The following ANAPC16 variants were observed in gnomAD, a reference collection of about 807,000 sequenced individuals.
The protein encoded by ANAPC16 is anaphase promoting complex subunit 16, also known as anaphase-promoting complex subunit 16.
Under a neutral mutation model 13.1 loss-of-function variants are expected in ANAPC16, and 6 were observed. The observed-to-expected ratio is 0.46, with a 90% confidence interval of 0.25 to 0.90. The LOEUF (loss-of-function observed/expected upper bound fraction) is 0.90, where lower values mean the gene tolerates loss of function less well. ANAPC16 is among the 40% of genes least tolerant of loss of function. The pLI is 0.18. For missense variants in ANAPC16, 113 were observed against 131.1 expected, an observed-to-expected ratio of 0.86 and a Z score of 0.67; for synonymous variants, 55 against 51.3, an observed-to-expected ratio of 1.07 and a Z score of -0.31.
At chr10:72,220,306 C>T (rs915499935) in intron 1 of ANAPC16, 22 of 109,902 alleles carry the variant, frequency 2.0e-4, no homozygotes, top group African/African-American at 7.9e-4. Context: ...GCCTGGGCAA[C>T]AAGAGGGAAA....
Position 72,233,103 on chromosome 10 carries a change from C to G in ANAPC16, c.320C>G (p.Pro107Arg), listed in dbSNP as rs764137906. ...KPIEQLLGFT[P>R]SSG ...ATCGAGCAGCTGCTGGGATTCACCC[C>G]CTCTTCAGGTTGATACTGCCTGGAT... The change falls in exon 4 of 4, where the codon CCC becomes CGC. Residue 107 changes from proline (P) to arginine (R), a missense_variant. By Grantham distance (103) the Pro-to-Arg change is moderately radical. Transcript: ENST00000299381. 1 of 1,613,984 alleles carries G rather than the reference C, an allele frequency of 6.2e-7. No homozygotes were observed. Among genetic ancestry groups the G allele is most frequent in the African/African-American group, 1.3e-5 (1 of 75,002 alleles).
At chr10:72,231,478 T>C (rs1335372891) in intron 3 of ANAPC16, among the ~76,000 whole-genome samples, 2 of 139,246 alleles carry the variant, frequency 1.4e-5, no homozygotes, top group African/African-American at 2.7e-5. Flanking sequence ...GGAGGCATAC[T>C]CCAGCCTTGG....
Position 72,218,145 on chromosome 10 carries a change from C to CAAAAAAA in ANAPC16, c.-28+2022_-28+2028dup, listed in dbSNP as rs142932037. 1.7e-4 allele frequency among the ~76,000 whole-genome samples: 6 copies of CAAAAAAA among 34,874 alleles called. 1 individual carries two copies. The highest frequency in any genetic ancestry group is 1.4e-3 in the African/African-American group (6 of 4,212). 22.9% of individuals were successfully genotyped at this position (34,874 alleles called of 152,430 possible). On this transcript the variant is annotated intron_variant, in intron 1 of 3. Transcript: ENST00000299381. ...GGGCAACAAGAGTGAAACTCTGTCT[C>CAAAAAAA]AAAAAAAAAAAAAAAAAAAAATATA...
In ANAPC16 at chr10:72,216,048, C is replaced by A. The variant is rs1246667709; in HGVS notation, c.-118C>A. 1 of 152,306 alleles carries A rather than the reference C, an allele frequency of 6.6e-6. No individual in the cohort carries two copies. The highest frequency in any genetic ancestry group is 2.4e-5 in the African/African-American group (1 of 41,444). The allele number at this position is 152,306 out of a possible 1,614,324, so 9.4% of individuals were successfully genotyped here. A position where few individuals can be genotyped will look rare whatever the true frequency, so the allele number is the denominator to read the frequency against. On this transcript the variant is annotated 5_prime_UTR_variant, in exon 1 of 4. Coordinates refer to ENST00000299381, the MANE Select transcript of ANAPC16 (RefSeq NM_173473.4). ...GCCGCTGGCTCCGTCTGTTGGGGGG[C>A]GAACACGCCGCGGTCCTCGTCGTGG...
chr10:72,224,996 A>G (rs570668363), intron 2 of ANAPC16, among the ~76,000 whole-genome samples: 1 of 152,182 alleles, frequency 6.6e-6, no homozygotes, highest in South Asian at 2.1e-4. Flanking sequence ...TAAAATGCAC[A>G]TTTCTGGCCA....
At chr10:72,227,695 A>C (rs1304659131) in intron 2 of ANAPC16, among the ~76,000 whole-genome samples, 2 of 152,016 alleles carry the variant, frequency 1.3e-5, no homozygotes, top group Non-Finnish European at 2.9e-5. Context: ...TTATACAATA[A>C]ATCTAACACA....
chr10:72,229,698 C>T (rs987462983), intron 2 of ANAPC16, among the ~76,000 whole-genome samples: 1 of 152,190 alleles, frequency 6.6e-6, no homozygotes, highest in Non-Finnish European at 1.5e-5. Context: ...TCATGATCAT[C>T]TTCCAAGTGC....
chr10:72,220,776 TACAGTA>T (rs2133660280), intron 1 of ANAPC16: 1 of 150,214 alleles, frequency 6.7e-6, no homozygotes, highest in South Asian at 2.1e-4. Context: ...AAGTGGTGTT[TACAGTA>T]ACTGATCACC....
At chr10:72,223,541 C>T (rs1164765250) in intron 1 of ANAPC16, 2 of 167,062 alleles carry the variant, frequency 1.2e-5, no homozygotes, top group Non-Finnish European at 2.6e-5. Flanking sequence ...ATGCTTTTAT[C>T]CTCGTATAAC....
chr10:72,230,184 G>A (rs1351238049), intron 2 of ANAPC16, among the ~76,000 whole-genome samples, 182 bp from the exon 3 acceptor site: 1 of 151,992 alleles, frequency 6.6e-6, no homozygotes, highest in Admixed American at 6.6e-5. Flanking sequence ...AATATTCTAG[G>A]TATAGAATAA....
At chr10:72,225,314 A>G (rs932132407) in intron 2 of ANAPC16, among the ~76,000 whole-genome samples, 3 of 151,588 alleles carry the variant, frequency 2.0e-5, no homozygotes, top group African/African-American at 7.3e-5. Context: ...AATAAAATGC[A>G]TATTTCTGGG....
chr10:72,222,223 T>C (rs1859963248), intron 1 of ANAPC16, among the ~76,000 whole-genome samples: 1 of 144,320 alleles, frequency 6.9e-6, no homozygotes, highest in Non-Finnish European at 1.5e-5. Context: ...ATGGAGACCA[T>C]CCTGGCCAAC....
chr10:72,225,948 T>G (rs1456871769), intron 2 of ANAPC16, among the ~76,000 whole-genome samples: 2 of 151,890 alleles, frequency 1.3e-5, no homozygotes, highest in East Asian at 3.9e-4. Flanking sequence ...TATTAAGGAT[T>G]CAAAATTTAC....
At chr10:72,223,070 A>G (rs2133670284) in intron 1 of ANAPC16, 1 of 146,206 alleles carries the variant, frequency 6.8e-6, no homozygotes, top group East Asian at 2.0e-4. Flanking sequence ...TTACATTTAG[A>G]TGAAAAGGTT....
In ANAPC16 at chr10:72,233,181, C is replaced by A; in HGVS notation, c.*65C>A. ...AAGCCAGTGGGGGACTTTCTCACAG[C>A]TTACATAGCCATCCAGAGATCCACA... is the stretch of plus-strand genomic sequence containing the variant. On this transcript the variant is annotated 3_prime_UTR_variant, in exon 4 of 4. Coordinates refer to ENST00000299381, the MANE Select transcript of ANAPC16 (RefSeq NM_173473.4). The A allele has an allele frequency of 1.6e-6, 2 of 1,235,902 alleles. No individual in the cohort carries two copies. The highest frequency in any genetic ancestry group is 2.4e-6 in the Non-Finnish European group (2 of 847,082). The allele number at this position is 1,235,902 out of a possible 1,614,324, so 76.6% of individuals were successfully genotyped here.
chr10:72,222,851 C>T (rs567381217), intron 1 of ANAPC16, among the ~76,000 whole-genome samples: 133 of 152,306 alleles, frequency 8.7e-4, no homozygotes, highest in South Asian at 1.9e-3. Context: ...GTGTAAGCTT[C>T]TGTGGCAAAG....
At chr10:72,218,202 A>G (rs1218110990) in intron 1 of ANAPC16, among the ~76,000 whole-genome samples, 1 of 99,062 alleles carries the variant, frequency 1.0e-5, no homozygotes, top group East Asian at 2.8e-4. Context: ...ATATATATAT[A>G]TATATATATA....
intron 1 of ANAPC16, chr10:72,220,712 CAAAAAAAAAA>C (rs397844900): frequency 1.9e-5 from 2 of 103,444 alleles, no homozygotes; most frequent in East Asian, 3.3e-4. Context: ...TTGCAACTAG[CAAAAAAAAAA>C]AAAAAAAAAA....
At chr10:72,222,446 A>G (rs1001303822) in intron 1 of ANAPC16, among the ~76,000 whole-genome samples, 17 of 147,478 alleles carry the variant, frequency 1.2e-4, no homozygotes, top group African/African-American at 4.3e-4. Context: ...CAGACTGAGC[A>G]ACATAGCAAG....
Sources: gnomAD v4.1 joint callset for allele counts (sites outside exome capture counted in the v4.1 genomes callset) on GRCh38, gnomAD v4.1.1 for gene constraint, MANE v1.5 for transcripts, NCBI Gene and HGNC (gene_info 2026-07-23, HGNC 2026-07-21) for gene names.